Variants in RAPGEF2 observed in about 807,000 individuals in gnomAD.
RAPGEF2 encodes the protein Rap guanine nucleotide exchange factor 2.
In RAPGEF2, 54 loss-of-function variants were observed where a neutral mutation model predicts 186.7. That is an observed-to-expected ratio of 0.29 (90% CI 0.23 to 0.36). The LOEUF (loss-of-function observed/expected upper bound fraction) is 0.36, where lower values mean the gene tolerates loss of function less well. Among genes scored for constraint, RAPGEF2 ranks in the 10% least tolerant of loss-of-function variants. The probability of loss-of-function intolerance (pLI) is 1.00; values close to 1 mark genes in which losing one functional copy is unlikely to be tolerated. For synonymous variants in RAPGEF2, 712 were observed against 705.9 expected, an observed-to-expected ratio of 1.01 and a Z score of -0.14; for missense variants, 1,532 against 2,045.0, an observed-to-expected ratio of 0.75 and a Z score of 4.84.
At chr4:159,315,468 G>A (rs1764462402) in intron 9 of RAPGEF2, among the ~76,000 whole-genome samples, 1 of 152,090 alleles carries the variant, frequency 6.6e-6, no homozygotes. Context: ...CTCCCCATGT[G>A]CAGAGACGAG....
At chr4:159,283,683 T>G (rs1760039923) in intron 7 of RAPGEF2, among the ~76,000 whole-genome samples, 1 of 152,126 alleles carries the variant, frequency 6.6e-6, no homozygotes, top group East Asian at 1.9e-4. Flanking sequence ...AGCAAATAAG[T>G]TTTTTAATAT....
rs1263408266 is a variant in RAPGEF2 at position 159,193,188 on chromosome 4, T to C, written c.141-12T>C. ...GACAGATGTTGAACTCATGTTTTTA[T>C]CTCTTTTACAGGTTAATGTGTGAAA... On this transcript the variant is annotated splice_polypyrimidine_tract_variant and intron_variant, in intron 2 of 29. Coordinates refer to ENST00000691494, the MANE Select transcript of RAPGEF2 (RefSeq NM_001394067.2). 1 of 1,463,220 alleles carries C rather than the reference T, an allele frequency of 6.8e-7. No homozygotes were observed. Among genetic ancestry groups the C allele is most frequent in the East Asian group, 2.6e-5 (1 of 38,086 alleles). The allele number at this position is 1,463,220 out of a possible 1,614,324, so 90.6% of individuals were successfully genotyped here. A position where few individuals can be genotyped will look rare whatever the true frequency, so the allele number is the denominator to read the frequency against.
intron 1 of RAPGEF2, among the ~76,000 whole-genome samples, chr4:159,132,020 A>C (rs1008244213): frequency 6.6e-6 from 1 of 152,154 alleles, no homozygotes; most frequent in East Asian, 1.9e-4. Flanking sequence ...ATCAAGTTGG[A>C]GAGTAAAATA....
intron 1 of RAPGEF2, among the ~76,000 whole-genome samples, chr4:159,124,811 T>C (rs1274183349): frequency 6.6e-6 from 1 of 152,162 alleles, no homozygotes; most frequent in Admixed American, 6.5e-5. Flanking sequence ...AAAAAGAAAT[T>C]TTATTCTACA....
At chr4:159,258,921 C>T (rs1040340609) in intron 7 of RAPGEF2, among the ~76,000 whole-genome samples, 8 of 152,010 alleles carry the variant, frequency 5.3e-5, no homozygotes, top group Non-Finnish European at 1.0e-4. Flanking sequence ...ATGGGTTGGC[C>T]GAGGCTTGAA....
chr4:159,137,047 G>T (rs1334584617), intron 1 of RAPGEF2, among the ~76,000 whole-genome samples: 2 of 152,256 alleles, frequency 1.3e-5, no homozygotes, highest in Admixed American at 6.5e-5. Flanking sequence ...GAAAAGGTGG[G>T]GGGGTTGGTA....
At position 159,251,274 on chromosome 4, in the gene RAPGEF2, G is replaced by A. The variant is rs566787557; in HGVS notation, c.543+7483G>A. On this transcript the variant is annotated intron_variant, in intron 7 of 29. Coordinates refer to ENST00000691494, the MANE Select transcript of RAPGEF2 (RefSeq NM_001394067.2). Reference sequence around the variant, plus strand: ...CCCGACGGGCGCCGTCCCTTGCTCTGCAGCGCCTGGTCCCATCGACTGCCC... The same window carrying A: ...CCCGACGGGCGCCGTCCCTTGCTCTACAGCGCCTGGTCCCATCGACTGCCC... Among the ~76,000 whole-genome samples, 5 of 152,364 alleles carry A rather than the reference G, an allele frequency of 3.3e-5. No homozygotes were observed. The East Asian group carries it at 9.7e-4, about 29-fold the overall frequency.
rs143413252 is a variant in RAPGEF2, at chr4:159,157,306, A to G, written c.70-29336A>G. Among the ~76,000 whole-genome samples the G allele has an allele frequency of 3.3e-5, 5 of 152,328 alleles. No individual in the cohort carries two copies. The East Asian group carries it at 9.6e-4, about 29-fold the overall frequency. On this transcript the variant is annotated intron_variant, in intron 1 of 29. Transcript: ENST00000691494. ...ATGAAACTGCTGTGTGATAGCAGTA[A>G]AAATGCTGGCCTAGGGTGTACCGTT...
intron 20 of RAPGEF2, among the ~76,000 whole-genome samples, chr4:159,342,507 ACT>A (rs1250713494): frequency 6.8e-6 from 1 of 148,142 alleles, no homozygotes; most frequent in Non-Finnish European, 1.5e-5. Context: ...GTTTAGTCAT[ACT>A]CTCATTACTA....
chr4:159,353,447 CTTG>C lies in RAPGEF2; in HGVS notation c.4092-37_4092-35del. 7.2e-7 allele frequency: 1 copy of C among 1,391,438 alleles called. No homozygotes were observed. The allele number at this position is 1,391,438 out of a possible 1,614,324, so 86.2% of individuals were successfully genotyped here. On this transcript the variant is annotated intron_variant, in intron 27 of 29. Transcript: ENST00000691494. The surrounding 1 kb of genome is among the most constrained non-coding windows in gnomAD (Gnocchi z 4.3). ...TATCATAGGTGAATTAGTTATCAATCTTGTTTTTTTTTTCTTTTCCATTTCTTT... is the reference window on the plus strand; with the variant it reads ...TATCATAGGTGAATTAGTTATCAATCTTTTTTTTTTCTTTTCCATTTCTTT...
At chr4:159,323,248 A>G (rs1049735153) in intron 10 of RAPGEF2, among the ~76,000 whole-genome samples, 2 of 152,178 alleles carry the variant, frequency 1.3e-5, no homozygotes, top group African/African-American at 4.8e-5. Context: ...GGGCATTATG[A>G]TATACATTCT....
intron 1 of RAPGEF2, among the ~76,000 whole-genome samples, chr4:159,180,366 G>A (rs1325488044): frequency 6.6e-6 from 1 of 151,926 alleles, no homozygotes; most frequent in Non-Finnish European, 1.5e-5. Flanking sequence ...CCAAATCCAC[G>A]TTGGTCAAGT....
At chr4:159,143,121 C>T (rs4568200) in intron 1 of RAPGEF2, among the ~76,000 whole-genome samples, 55,634 of 151,918 alleles carry the variant, frequency 0.37, 10,245 homozygotes, top group African/African-American at 0.38. Flanking sequence ...CCTGTAGTCT[C>T]AATTACTTGG....
At chr4:159,215,766 T>G (rs755447698) in intron 4 of RAPGEF2, among the ~76,000 whole-genome samples, 3 of 152,142 alleles carry the variant, frequency 2.0e-5, no homozygotes, top group Non-Finnish European at 2.9e-5. Context: ...GGTGACCAGG[T>G]AGGGACTGTA....
intron 1 of RAPGEF2, among the ~76,000 whole-genome samples, chr4:159,116,953 G>A (rs930793678): frequency 6.6e-6 from 1 of 152,094 alleles, no homozygotes; most frequent in African/African-American, 2.4e-5. Context: ...ATGGTTTGAT[G>A]GGTGCAGCAA....
At chr4:159,352,482 T>C in intron 26 of RAPGEF2, 1 of 532,762 alleles carries the variant, frequency 1.9e-6, no homozygotes, top group Non-Finnish European at 3.3e-6. Flanking sequence ...TTTTCCTCTC[T>C]AAACTTCGAT....
chr4:159,345,247 G>A lies in RAPGEF2; in HGVS notation c.3420G>A (p.Gln1140=). The part of the protein sequence containing the change: ...EDAQMARKVK[Q]YLSNLELEMD... Reference sequence around the variant, plus strand: ...CCCAAATGGCTCGAAAAGTGAAGCAGTACCTTTCCAATTTGGAGCTAGAAA... The same window carrying A: ...CCCAAATGGCTCGAAAAGTGAAGCAATACCTTTCCAATTTGGAGCTAGAAA... Residue 1140 remains glutamine, a synonymous_variant, in exon 24 of 30, where the codon CAG becomes CAA. Transcript: ENST00000691494. 1 of 1,614,224 alleles carries A rather than the reference G, an allele frequency of 6.2e-7. No homozygotes were observed.
At chr4:159,283,222 G>T (rs765149300) in intron 7 of RAPGEF2, among the ~76,000 whole-genome samples, 1 of 151,892 alleles carries the variant, frequency 6.6e-6, no homozygotes, top group South Asian at 2.1e-4. Flanking sequence ...GATAAACGTC[G>T]AATTTTTTTT....
chr4:159,306,915 G>C (rs556791269), intron 8 of RAPGEF2, among the ~76,000 whole-genome samples: 31 of 140,478 alleles, frequency 2.2e-4, no homozygotes, highest in Admixed American at 4.5e-4. Context: ...CTGAAGGATA[G>C]AAAATAAGCC....
Sources: allele counts gnomAD v4.1 joint callset (sites outside exome capture counted in the v4.1 genomes callset), GRCh38; gene constraint gnomAD v4.1.1; non-coding constraint Gnocchi (gnomAD v3.1); transcripts MANE v1.5; gene names NCBI Gene and HGNC (gene_info 2026-07-23, HGNC 2026-07-21).